PALB2: variants seen among roughly 807,000 people sequenced by gnomAD.
The protein encoded by PALB2 is mutant partner and localizer of BRCA2.
Under a neutral mutation model 107.4 loss-of-function variants are expected in PALB2, and 82 were observed. That is an observed-to-expected ratio of 0.76 (90% CI 0.64 to 0.92). The LOEUF (loss-of-function observed/expected upper bound fraction) is 0.92. PALB2 is among the 40% of genes least tolerant of loss of function. PALB2 has a pLI of 0.00. For missense variants in PALB2, 1,374 were observed against 1,379.9 expected, an observed-to-expected ratio of 1.00 and a Z score of 0.07; for synonymous variants, 489 against 496.8, an observed-to-expected ratio of 0.98 and a Z score of 0.21.
intron 4 of PALB2, among the ~76,000 whole-genome samples, chr16:23,631,174 G>A (rs946186197): frequency 2.0e-5 from 3 of 150,042 alleles, no homozygotes; most frequent in Non-Finnish European, 4.4e-5. Context: ...CAGCTACTCC[G>A]GAGGCTGAGG....
intron 1 of PALB2, among the ~76,000 whole-genome samples, chr16:23,639,138 C>A (rs1028574246): frequency 6.6e-6 from 1 of 152,154 alleles, no homozygotes; most frequent in Admixed American, 6.6e-5. Context: ...AAGCCAGCCT[C>A]GGTTTTTCTG....
chr16:23,608,799 T>TACACACACACAC (rs1309453906), intron 11 of PALB2, among the ~76,000 whole-genome samples: 2,751 of 115,004 alleles, frequency 0.024, 45 homozygotes, highest in Middle Eastern at 0.098. Context: ...TGTGTATATA[T>TACACACACACAC]ATACACACAC....
intron 11 of PALB2, among the ~76,000 whole-genome samples, chr16:23,610,309 C>A (rs1645236): frequency 2.2e-5 from 3 of 133,748 alleles, no homozygotes; most frequent in Admixed American, 7.6e-5. Context: ...AATGTTATTT[C>A]TTTTTTTTTT....
intron 11 of PALB2, among the ~76,000 whole-genome samples, chr16:23,610,639 G>A (rs1284619039): frequency 6.6e-6 from 1 of 151,952 alleles, no homozygotes; most frequent in Non-Finnish European, 1.5e-5. Context: ...GGCTTTATGG[G>A]GGACTTTTAC....
chr16:23,626,434 C>T (rs180177118), intron 6 of PALB2, 37 bp from the exon 7 acceptor site: 6 of 1,612,420 alleles, frequency 3.7e-6, no homozygotes, highest in Middle Eastern at 1.6e-4. Flanking sequence ...AAGTGGCACT[C>T]GAGTGCTGTT....
At chr16:23,607,090 G>T (rs1854135557) in intron 12 of PALB2, among the ~76,000 whole-genome samples, 1 of 152,154 alleles carries the variant, frequency 6.6e-6, no homozygotes, top group African/African-American at 2.4e-5. Flanking sequence ...TTATAGGCGT[G>T]AGCCACTGCC....
rs587780207 is a variant in PALB2 at position 23,630,421 on chromosome 16, C to A, written c.1733G>T (p.Ser578Ile). 2.2e-5 allele frequency: 35 copies of A among 1,613,852 alleles called. No homozygotes were observed. The highest frequency in any genetic ancestry group is 3.0e-5 in the Non-Finnish European group (35 of 1,179,996). Residue 578 changes from serine (S) to isoleucine (I), a missense_variant, in exon 5 of 13, where the codon AGT becomes ATT. Transcript: ENST00000261584. ...ATCATCATCCAAGGATAAATAAGCA[C>A]TATTACTCCAAGAAAGGGAATCCTC... ...QKEDSLSWSN[S>I]AYLSLDDDAF...
intron 1 of PALB2, 73 bp from the exon 2 acceptor site, chr16:23,638,202 G>T: frequency 7.9e-7 from 1 of 1,263,946 alleles, no homozygotes. Flanking sequence ...TGCAGTGCTT[G>T]GCGGGGTCCC....
intron 12 of PALB2, 95 bp downstream of exon 12, chr16:23,607,769 C>T (rs1966503172): frequency 7.1e-7 from 1 of 1,413,814 alleles, no homozygotes; most frequent in South Asian, 1.2e-5. Flanking sequence ...TCATGTTTTC[C>T]ATTCTTCTAA....
intron 10 of PALB2, among the ~76,000 whole-genome samples, chr16:23,618,297 G>A (rs1287355820): frequency 6.6e-6 from 1 of 152,012 alleles, no homozygotes; most frequent in East Asian, 1.9e-4. Flanking sequence ...TGGGTACTGA[G>A]TGAGACTCTG....
At chr16:23,610,298 C>T (rs1372701065) in intron 11 of PALB2, among the ~76,000 whole-genome samples, 2 of 149,738 alleles carry the variant, frequency 1.3e-5, no homozygotes, top group African/African-American at 4.9e-5. Context: ...ATAAATAATA[C>T]AATGTTATTT....
chr16:23,637,233 G>A (rs530981474), intron 3 of PALB2, among the ~76,000 whole-genome samples: 1 of 152,216 alleles, frequency 6.6e-6, no homozygotes, highest in Non-Finnish European at 1.5e-5. Context: ...TGATGACAGA[G>A]TGAGACTCTG....
At chr16:23,618,694 A>T (rs1040649731) in intron 10 of PALB2, among the ~76,000 whole-genome samples, 3 of 152,226 alleles carry the variant, frequency 2.0e-5, no homozygotes, top group African/African-American at 4.8e-5. Context: ...TAAAAAAAAA[A>T]TATCAAGTTT....
At chr16:23,608,809 C>CACACACACACAT (rs1207858585) in intron 11 of PALB2, among the ~76,000 whole-genome samples, 10 of 148,368 alleles carry the variant, frequency 6.7e-5, no homozygotes, top group Non-Finnish European at 1.3e-4. Context: ...TATACACACA[C>CACACACACACAT]ACACACACAC....
At chr16:23,614,930 G>A (rs553395479) in intron 10 of PALB2, among the ~76,000 whole-genome samples, 1 of 147,590 alleles carries the variant, frequency 6.8e-6, no homozygotes, top group Non-Finnish European at 1.5e-5. Flanking sequence ...GATTACAGGC[G>A]TGAGCCACCG....
At chr16:23,610,862 C>T (rs2142286769) in intron 11 of PALB2, among the ~76,000 whole-genome samples, 1 of 151,608 alleles carries the variant, frequency 6.6e-6, no homozygotes, top group South Asian at 2.1e-4. Flanking sequence ...TTGGTGAAAC[C>T]CCGTCTCTAC....
chr16:23,632,307 G>A (rs1966885912), intron 4 of PALB2, among the ~76,000 whole-genome samples: 1 of 152,042 alleles, frequency 6.6e-6, no homozygotes, highest in Non-Finnish European at 1.5e-5. Context: ...ACCCAGGCAT[G>A]GTGGCAGGCG....
At chr16:23,613,929 T>G (rs1251603934) in intron 11 of PALB2, 75 bp downstream of exon 11, 4 of 1,106,542 alleles carry the variant, frequency 3.6e-6, no homozygotes, top group Non-Finnish European at 5.5e-6. Flanking sequence ...TGTTCATTAC[T>G]GCTTATGACT....
chr16:23,615,688 G>A (rs1386473275), intron 10 of PALB2, among the ~76,000 whole-genome samples: 1 of 151,608 alleles, frequency 6.6e-6, no homozygotes, highest in Non-Finnish European at 1.5e-5. Flanking sequence ...TTTTGAGATG[G>A]AGTTTTGTTC....
Sources: allele counts gnomAD v4.1 joint callset (sites outside exome capture counted in the v4.1 genomes callset), GRCh38; gene constraint gnomAD v4.1.1; transcripts MANE v1.5; gene names NCBI Gene and HGNC (gene_info 2026-07-23, HGNC 2026-07-21).